KIRREL3: variants seen among roughly 807,000 people sequenced by gnomAD.
KIRREL3 encodes kin of IRRE-like protein 3.
A neutral mutation model predicts 89.7 loss-of-function variants in KIRREL3; 36 were observed. The ratio of observed to expected loss-of-function variants is 0.40; its 90% confidence interval spans 0.31 to 0.53. KIRREL3 has a LOEUF of 0.53. KIRREL3 is among the 20% of genes least tolerant of loss of function. The pLI is 0.49. For synonymous variants in KIRREL3, 445 were observed against 441.4 expected, an observed-to-expected ratio of 1.01 and a Z score of -0.10; for missense variants, 864 against 1,056.6, an observed-to-expected ratio of 0.82 and a Z score of 2.53.
intron 1 of KIRREL3, among the ~76,000 whole-genome samples, chr11:126,693,807 C>G (rs1277213549): frequency 2.0e-5 from 3 of 152,250 alleles, no homozygotes; most frequent in Non-Finnish European, 4.4e-5. Context: ...GGACACATTT[C>G]CAATCAGGCT....
Position 126,995,159 on chromosome 11 carries a change from T to C in KIRREL3, c.55+5296A>G, listed in dbSNP as rs1176603275. ...CCTTACGAATAGCTGTGATGGGATA[T>C]GAAATCCAAGGGAACTGTTAGCCCC... On this transcript the variant is annotated intron_variant, in intron 1 of 16. Transcript: ENST00000525144. This position sits in a 1 kb window ranked among gnomAD's most constrained non-coding sequence, Gnocchi z 6.5. 2.2e-6 allele frequency: 1 copy of C among 455,822 alleles called. No homozygotes were observed. The highest frequency in any genetic ancestry group is 4.4e-6 in the Non-Finnish European group (1 of 226,898). The allele number at this position is 455,822 out of a possible 1,614,324, so 28.2% of individuals were successfully genotyped here. A position where few individuals can be genotyped will look rare whatever the true frequency, so the allele number is the denominator to read the frequency against.
chr11:126,517,136 A>AAGAGAGAAAGAGAGAGAGAGAGAG lies in KIRREL3; in HGVS notation c.433+4178_433+4179insCTCTCTCTCTCTCTCTTTCTCTCT, dbSNP rs1958437696. On this transcript the variant is annotated intron_variant, in intron 4 of 16. Transcript: ENST00000525144. ...TTAGAGATTGAGAGAGAGAGAGAGA[A>AAGAGAGAAAGAGAGAGAGAGAGAG]AGAGAGAGAGAGAGAGAGAGAGAGA... Among the ~76,000 whole-genome samples the AAGAGAGAAAGAGAGAGAGAGAGAG allele has an allele frequency of 5.0e-3, 701 of 140,808 alleles. 4 individuals are homozygous for AAGAGAGAAAGAGAGAGAGAGAGAG. The highest frequency in any genetic ancestry group is 9.1e-3 in the Non-Finnish European group (584 of 64,450). The allele number at this position is 140,808 out of a possible 152,430, so 92.4% of individuals were successfully genotyped here.
At chr11:126,693,231 C>T (rs1469583098) in intron 1 of KIRREL3, among the ~76,000 whole-genome samples, 1 of 152,116 alleles carries the variant, frequency 6.6e-6, no homozygotes, top group Non-Finnish European at 1.5e-5. Flanking sequence ...CCAGCCTGGG[C>T]AACACAGCGA....
rs186775229 is a variant in KIRREL3 at position 126,931,457 on chromosome 11, C to T, written c.55+68998G>A. 1.2e-3 allele frequency among the ~76,000 whole-genome samples: 177 copies of T among 152,228 alleles called. No individual in the cohort carries two copies. Among genetic ancestry groups the T allele is most frequent in the African/African-American group, 3.5e-3 (147 of 41,550 alleles). On this transcript the variant is annotated intron_variant, in intron 1 of 16. Coordinates refer to ENST00000525144, the MANE Select transcript of KIRREL3 (RefSeq NM_032531.4). The surrounding 1 kb of genome is among the most constrained non-coding windows in gnomAD (Gnocchi z 5.1). ...GTGAAAGGGAAGGAGGATATAAAGA[C>T]GGATTTTATTGTCTTCCAGGAACCC...
chr11:126,456,810 ACT>A (rs1956360757), intron 6 of KIRREL3, among the ~76,000 whole-genome samples: 1 of 152,146 alleles, frequency 6.6e-6, no homozygotes, highest in South Asian at 2.1e-4. Context: ...GCGCGTGGAC[ACT>A]CAGTCTCGCT....
chr11:126,849,941 C>CT (rs1944287527), intron 1 of KIRREL3, among the ~76,000 whole-genome samples: 1 of 94,720 alleles, frequency 1.1e-5, no homozygotes, highest in East Asian at 4.0e-4. Flanking sequence ...CTGACAACTC[C>CT]CAAAATGGTA....
intron 9 of KIRREL3, 58 bp from the exon 10 acceptor site, chr11:126,445,163 C>T (rs954989303): frequency 1.3e-6 from 2 of 1,594,416 alleles, no homozygotes; most frequent in Non-Finnish European, 1.7e-6. Context: ...ACTCTTGTCT[C>T]TGGGAACAAG....
intron 1 of KIRREL3, among the ~76,000 whole-genome samples, chr11:126,922,177 C>A (rs1334980058): frequency 2.3e-5 from 3 of 132,796 alleles, no homozygotes; most frequent in East Asian, 2.7e-4. Flanking sequence ...CTATCTATCT[C>A]TATCATCTTT....
chr11:126,586,007 C>A (rs761333979), intron 1 of KIRREL3, among the ~76,000 whole-genome samples: 2 of 152,174 alleles, frequency 1.3e-5, no homozygotes, highest in Non-Finnish European at 2.9e-5. Flanking sequence ...CTTCCTAATT[C>A]CCTCAGCAGC....
In KIRREL3 at chr11:126,566,147, T is replaced by G. The variant is rs182445676; in HGVS notation, c.56-3235A>C. ...CTAAAGCTGGCTATGGAAAAATAAT[T>G]ACCATGAAAGGAGTCAGCCCTGGCT... On this transcript the variant is annotated intron_variant, in intron 1 of 16. Transcript: ENST00000525144. The surrounding 1 kb of genome is among the most constrained non-coding windows in gnomAD (Gnocchi z 4.9). Among the ~76,000 whole-genome samples, 768 of 151,980 alleles carry G rather than the reference T, an allele frequency of 5.1e-3. 7 individuals carry two copies. Among genetic ancestry groups the G allele is most frequent in the African/African-American group, 0.017 (717 of 41,382 alleles).
intron 1 of KIRREL3, among the ~76,000 whole-genome samples, chr11:126,813,465 G>T (rs888193273): frequency 1.3e-5 from 2 of 152,118 alleles, no homozygotes; most frequent in Admixed American, 6.5e-5. Context: ...TGGTTAAAAA[G>T]TTATAAATAT....
rs746084017 is a variant in KIRREL3, at chr11:126,705,394, A to T, written c.56-142482T>A. Among the ~76,000 whole-genome samples, 2 of 152,130 alleles carry T rather than the reference A, an allele frequency of 1.3e-5. No homozygotes were observed. Among genetic ancestry groups the T allele is most frequent in the African/African-American group, 2.4e-5 (1 of 41,412 alleles). ...AAGTGAGTTGTTGATCAGTTTGTTC[A>T]CATGAGATCTGGTTGTTTAAAAGTC... On this transcript the variant is annotated intron_variant, in intron 1 of 16. Coordinates refer to ENST00000525144, the MANE Select transcript of KIRREL3 (RefSeq NM_032531.4). This position sits in a 1 kb window ranked among gnomAD's most constrained non-coding sequence, Gnocchi z 4.3.
In KIRREL3 at chr11:126,683,879, G is replaced by A. The variant is rs966773903; in HGVS notation, c.56-120967C>T. ...CCAGACGCGCGTGGGTCCACCTACC[G>A]TCCATCTACCGGGGTCACTGAGTCA... On this transcript the variant is annotated intron_variant, in intron 1 of 16. Coordinates refer to ENST00000525144, the MANE Select transcript of KIRREL3 (RefSeq NM_032531.4). The surrounding 1 kb of genome is among the most constrained non-coding windows in gnomAD (Gnocchi z 5.2). Among the ~76,000 whole-genome samples, 4 of 152,210 alleles carry A rather than the reference G, an allele frequency of 2.6e-5. No homozygotes were observed. Among genetic ancestry groups the A allele is most frequent in the African/African-American group, 9.6e-5 (4 of 41,456 alleles).
intron 7 of KIRREL3, among the ~76,000 whole-genome samples, chr11:126,451,856 C>G (rs147507657): frequency 5.9e-5 from 9 of 152,122 alleles, no homozygotes; most frequent in Middle Eastern, 3.2e-3. Flanking sequence ...CAGGCTGTTA[C>G]AGTTGAAGTG....
At chr11:126,688,097 T>G (rs1354166827) in intron 1 of KIRREL3, among the ~76,000 whole-genome samples, 1 of 152,226 alleles carries the variant, frequency 6.6e-6, no homozygotes, top group South Asian at 2.1e-4. Flanking sequence ...TAAAATAATT[T>G]GGGCTTGAAG....
chr11:127,000,338 G>A lies in KIRREL3; in HGVS notation c.55+117C>T, dbSNP rs552214525. 1.9e-5 allele frequency: 14 copies of A among 752,366 alleles called. No individual in the cohort carries two copies. Among genetic ancestry groups the A allele is most frequent in the Non-Finnish European group, 3.0e-5 (14 of 463,336 alleles). The allele number at this position is 752,366 out of a possible 1,614,324, so 46.6% of individuals were successfully genotyped here. ...TGCCAGAGCATCTCAGCCCGGCACC[G>A]AGAGACGCATCCATCAGTCCGAGTT... is the stretch of plus-strand genomic sequence containing the variant. On this transcript the variant is annotated intron_variant, in intron 1 of 16. Coordinates refer to ENST00000525144, the MANE Select transcript of KIRREL3 (RefSeq NM_032531.4). This position sits in a 1 kb window ranked among gnomAD's most constrained non-coding sequence, Gnocchi z 7.1.
chr11:126,769,599 C>T lies in KIRREL3; in HGVS notation c.56-206687G>A, dbSNP rs1949956643. ...GCATGGACAGAGTTCTCAATCCTGT[C>T]TTTCAAGCCTTCTTTCCTTCATTTA... On this transcript the variant is annotated intron_variant, in intron 1 of 16. Coordinates refer to ENST00000525144, the MANE Select transcript of KIRREL3 (RefSeq NM_032531.4). The surrounding 1 kb of genome is among the most constrained non-coding windows in gnomAD (Gnocchi z 4.3). 6.6e-6 allele frequency among the ~76,000 whole-genome samples: 1 copy of T among 152,234 alleles called. No individual in the cohort carries two copies. The highest frequency in any genetic ancestry group is 1.5e-5 in the Non-Finnish European group (1 of 68,040).
chr11:126,479,661 A>G (rs1957168925), intron 4 of KIRREL3, among the ~76,000 whole-genome samples: 1 of 152,232 alleles, frequency 6.6e-6, no homozygotes, highest in Non-Finnish European at 1.5e-5. Context: ...GGCTCACTGG[A>G]CAAAGAGCAC....
At chr11:126,974,779 C>T (rs1790550686) in intron 1 of KIRREL3, among the ~76,000 whole-genome samples, 1 of 152,040 alleles carries the variant, frequency 6.6e-6, no homozygotes, top group South Asian at 2.1e-4. Context: ...GTTCTCAGTT[C>T]ACCACAACTT....
Sources: gnomAD v4.1 joint callset for allele counts (sites outside exome capture counted in the v4.1 genomes callset) on GRCh38, gnomAD v4.1.1 for gene constraint, Gnocchi (gnomAD v3.1) non-coding constraint, MANE v1.5 for transcripts, NCBI Gene and HGNC (gene_info 2026-07-23, HGNC 2026-07-21) for gene names.